Variants in SLC4A9 observed in about 807,000 individuals in gnomAD.
The protein encoded by SLC4A9 is solute carrier family 4 member 9.
In SLC4A9, 102 loss-of-function variants were observed where a neutral mutation model predicts 103.2. That is an observed-to-expected ratio of 0.99 (90% CI 0.84 to 1.17). The LOEUF (loss-of-function observed/expected upper bound fraction) is 1.17. SLC4A9 is among the 50% of genes most tolerant of loss of function. The pLI, the probability that SLC4A9 is intolerant of heterozygous loss-of-function variation, is 0.00. For missense variants in SLC4A9, 1,091 were observed against 1,193.7 expected, an observed-to-expected ratio of 0.91 and a Z score of 1.27; for synonymous variants, 453 against 483.6, an observed-to-expected ratio of 0.94 and a Z score of 0.83.
In SLC4A9 at chr5:140,367,522, A is replaced by G; in HGVS notation, c.2116A>G (p.Ile706Val). 6.2e-7 allele frequency: 1 copy of G among 1,604,474 alleles called. No homozygotes were observed. The highest frequency in any genetic ancestry group is 1.1e-5 in the South Asian group (1 of 89,290). ...GCCTGCCCTGCTGCTGTCTATCCTC[A>G]TCTTCATGGACCAACAGATCACAGC... is the stretch of plus-strand genomic sequence containing the variant. ...ALPALLLSILIFMDQQITAVI... is the reference protein window; with the variant it reads ...ALPALLLSILVFMDQQITAVI... The change falls in exon 15 of 22, where the codon ATC becomes GTC. Residue 706 changes from isoleucine (I) to valine (V), a missense_variant. Physicochemically the swap from Ile to Val is conservative, Grantham distance 29 (BLOSUM62 3). Transcript: ENST00000506757.
Position 140,371,474 on chromosome 5 carries a change from G to T in SLC4A9, c.2520G>T (p.Leu840Phe). 1 of 1,614,002 alleles carries T rather than the reference G, an allele frequency of 6.2e-7. No homozygotes were observed. Among genetic ancestry groups the T allele is most frequent in the Admixed American group, 1.7e-5 (1 of 60,008 alleles). The change falls in exon 19 of 22, where the codon TTG (leucine) becomes TTT (phenylalanine). Residue 840 changes from leucine to phenylalanine, a missense_variant. Coordinates refer to ENST00000506757, the MANE Select transcript of SLC4A9 (RefSeq NM_031467.3). ...SIQFTNRVKLLLMPAKHQPDL... is the reference protein window; with the variant it reads ...SIQFTNRVKLFLMPAKHQPDL... ...AGTTCACTAATAGGGTGAAGCTGTT[G>T]TTGATGCCAGCAAAACACCAGCCAG... is the stretch of plus-strand genomic sequence containing the variant.
At position 140,364,141 on chromosome 5, in the gene SLC4A9, A is replaced by G. The variant is rs776924668; in HGVS notation, c.1342A>G (p.Thr448Ala). Residue 448 changes from threonine to alanine, a missense_variant, in exon 10 of 22, where the codon ACG becomes GCG. Transcript: ENST00000506757. The stretch of plus-strand genomic sequence containing the variant: ...CCAGCCCCTCACCATTCTGAGCAGC[A>G]CGGGGCCAGTGCTGGTCTTTGAGCG... ...AGQPLTILSS[T>A]GPVLVFERLL... is the part of the protein sequence containing the mutation. 1.9e-6 allele frequency: 3 copies of G among 1,593,808 alleles called. No individual in the cohort carries two copies. The highest frequency in any genetic ancestry group is 2.6e-6 in the Non-Finnish European group (3 of 1,169,336).
rs1438859123 is a variant in SLC4A9, at chr5:140,362,963, G to T, written c.859G>T (p.Ala287Ser). Residue 287 changes from alanine (A) to serine (S), a missense_variant, in exon 7 of 22, where the codon GCC becomes TCC. Ala to Ser is a moderately conservative substitution (Grantham distance 99). Transcript: ENST00000506757. ...RASNLHDLLA[A>S]LDAFLEEVTV... ...CAGCAACCTTCATGACCTTCTGGCAGCCCTGGATGCATTCCTAGAGGAGGT... is the reference window on the plus strand; with the variant it reads ...CAGCAACCTTCATGACCTTCTGGCATCCCTGGATGCATTCCTAGAGGAGGT... The T allele has an allele frequency of 6.2e-7, 1 of 1,613,662 alleles. No homozygotes were observed. The highest frequency in any genetic ancestry group is 8.5e-7 in the Non-Finnish European group (1 of 1,179,776).
Position 140,371,555 on chromosome 5 carries a change from C to A in SLC4A9, c.2601C>A (p.Ile867=). ...PLTRVHLFTA[I]QLACLGLLWI... is the part of the protein sequence containing the mutation. Reference sequence around the variant, plus strand: ...CCAGGGTCCACCTCTTCACAGCCATCCAGCTTGCCTGTCTGGGGCTGCTTT... The same window carrying A: ...CCAGGGTCCACCTCTTCACAGCCATACAGCTTGCCTGTCTGGGGCTGCTTT... Residue 867 remains isoleucine (I), a synonymous_variant, in exon 19 of 22, where the codon ATC becomes ATA. Coordinates refer to ENST00000506757, the MANE Select transcript of SLC4A9 (RefSeq NM_031467.3). 1 of 1,614,054 alleles carries A rather than the reference C, an allele frequency of 6.2e-7. No homozygotes were observed. The highest frequency in any genetic ancestry group is 1.1e-5 in the South Asian group (1 of 91,090).
rs1473246504 is a variant in SLC4A9, at chr5:140,364,504, C to T, written c.1530C>T (p.Leu510=). Residue 510 remains leucine, a synonymous_variant, in exon 11 of 22, where the codon CTC becomes CTT. Coordinates refer to ENST00000506757, the MANE Select transcript of SLC4A9 (RefSeq NM_031467.3). Reference sequence around the variant, plus strand: ...TCACTGAGGAAGGTTTCTGTGCCCTCATCAGCCTCATCTTCATCTACGATG... The same window carrying T: ...TCACTGAGGAAGGTTTCTGTGCCCTTATCAGCCTCATCTTCATCTACGATG... ...TRFTEEGFCA[L]ISLIFIYDAV... is the part of the protein sequence containing the mutation. 2 of 1,611,502 alleles carry T rather than the reference C, an allele frequency of 1.2e-6. No homozygotes were observed. Among genetic ancestry groups the T allele is most frequent in the Middle Eastern group, 1.7e-4 (1 of 6,060 alleles).
At chr5:140,367,136 G>T (rs147527423) in intron 14 of SLC4A9, among the ~76,000 whole-genome samples, 369 of 152,346 alleles carry the variant, frequency 2.4e-3, no homozygotes, top group African/African-American at 8.7e-3. Flanking sequence ...ACATCAAGAA[G>T]TGTGTGTAGG....
At chr5:140,370,884 C>A in intron 17 of SLC4A9, 1 of 546,016 alleles carries the variant, frequency 1.8e-6, no homozygotes, top group Non-Finnish European at 3.3e-6. Context: ...TTCAATTTCC[C>A]AATCTGTAAA....
Position 140,372,338 on chromosome 5 carries a change from A to C in SLC4A9, c.2767A>C (p.Ser923Arg). The change falls in exon 20 of 22, where the codon AGC (serine) becomes CGC (arginine). Residue 923 changes from serine (S) to arginine (R), a missense_variant. By Grantham distance (110) the Ser-to-Arg change is moderately radical. Coordinates refer to ENST00000506757, the MANE Select transcript of SLC4A9 (RefSeq NM_031467.3). ...LDELMPEEER[S>R]IPEKGLEPEH... ...TGAGCTGATGCCAGAGGAGGAGAGA[A>C]GCATCCCTGAGAAGGGGCTGGAGCC... 6.2e-7 allele frequency: 1 copy of C among 1,609,724 alleles called. No homozygotes were observed. Among genetic ancestry groups the C allele is most frequent in the Non-Finnish European group, 8.5e-7 (1 of 1,178,846 alleles).
At chr5:140,361,051 C>A (rs748098354) in intron 2 of SLC4A9, 79 bp downstream of exon 2, 264 of 1,372,174 alleles carry the variant, frequency 1.9e-4, no homozygotes, top group Non-Finnish European at 2.5e-4. Flanking sequence ...GTCTTGAAAT[C>A]TTCCAGAGCC....
chr5:140,365,440 C>T lies in SLC4A9; in HGVS notation c.1652-80C>T, dbSNP rs534449247. The stretch of plus-strand genomic sequence containing the variant: ...ATTAAGAACTCTGGTTCACCTGGAC[C>T]CATCAGATAAGAATTTTATGGGGCT... On this transcript the variant is annotated intron_variant, in intron 11 of 21. Coordinates refer to ENST00000506757, the MANE Select transcript of SLC4A9 (RefSeq NM_031467.3). The T allele has an allele frequency of 2.6e-5, 32 of 1,241,522 alleles. No homozygotes were observed. The African/African-American group carries it at 4.6e-4, about 18-fold the overall frequency. 76.9% of individuals were successfully genotyped at this position (1,241,522 alleles called of 1,614,324 possible). A position where few individuals can be genotyped will look rare whatever the true frequency, so the allele number is the denominator to read the frequency against.
At position 140,363,302 on chromosome 5, in the gene SLC4A9, G is replaced by A. The variant is rs1221932368; in HGVS notation, c.963-137G>A. On this transcript the variant is annotated intron_variant, in intron 7 of 21. Transcript: ENST00000506757. This position sits in a 1 kb window ranked among gnomAD's most constrained non-coding sequence, Gnocchi z 4.5. ...GTCGCAATATGACCTGGACCTTCTA[G>A]AGGCCCAGGTGTCGCCATGGTTCCC... 2.1e-6 allele frequency: 2 copies of A among 931,560 alleles called. No homozygotes were observed. Among genetic ancestry groups the A allele is most frequent in the Non-Finnish European group, 3.2e-6 (2 of 620,108 alleles). 57.7% of individuals were successfully genotyped at this position (931,560 alleles called of 1,614,324 possible).
intron 10 of SLC4A9, 65 bp from the exon 11 acceptor site, chr5:140,364,297 TG>T: frequency 6.2e-7 from 1 of 1,602,006 alleles, no homozygotes; most frequent in Non-Finnish European, 8.5e-7. Context: ...GAGGGACACC[TG>T]ACCTGGGTTT....
At chr5:140,372,443 G>A in intron 20 of SLC4A9, 46 bp downstream of exon 20, 1 of 1,591,104 alleles carries the variant, frequency 6.3e-7, no homozygotes, top group Non-Finnish European at 8.5e-7. Context: ...TCAGGGTTTG[G>A]GAGAGCGTTC....
rs1343022734 is a variant in SLC4A9, at chr5:140,361,369, T to A, written c.505+2T>A. On this transcript the variant is annotated splice_donor_variant, in intron 3 of 21. Coordinates refer to ENST00000506757, the MANE Select transcript of SLC4A9 (RefSeq NM_031467.3). LOFTEE classifies it high-confidence loss of function. ...CCACAGGCACCAGGCCCTGCTGGGGTGAGAGCCCCTCCCTGGGCCCAGGAC... is the reference window on the plus strand; with the variant it reads ...CCACAGGCACCAGGCCCTGCTGGGGAGAGAGCCCCTCCCTGGGCCCAGGAC... The A allele has an allele frequency of 2.3e-5, 35 of 1,551,494 alleles. No homozygotes were observed. The highest frequency in any genetic ancestry group is 3.0e-5 in the Non-Finnish European group (34 of 1,146,658).
chr5:140,367,919 G>A, intron 16 of SLC4A9, 21 bp downstream of exon 16: 1 of 1,612,874 alleles, frequency 6.2e-7, no homozygotes, highest in Non-Finnish European at 8.5e-7. Context: ...TATTTAGGAA[G>A]TGGAGTAAGA....
chr5:140,367,984 A>C lies in SLC4A9; in HGVS notation c.2354+86A>C. 4 of 1,428,372 alleles carry C rather than the reference A, an allele frequency of 2.8e-6. No individual in the cohort carries two copies. The South Asian group carries it at 3.7e-5, about 13-fold the overall frequency. 88.5% of individuals were successfully genotyped at this position (1,428,372 alleles called of 1,614,324 possible). ...CATGGCAGAGTTACTTGGGCAGCTTAAATTCTAAGCTGGTGTCCCACAAGC... is the reference window on the plus strand; with the variant it reads ...CATGGCAGAGTTACTTGGGCAGCTTCAATTCTAAGCTGGTGTCCCACAAGC... On this transcript the variant is annotated intron_variant, in intron 16 of 21. Coordinates refer to ENST00000506757, the MANE Select transcript of SLC4A9 (RefSeq NM_031467.3).
At chr5:140,361,769 A>C in intron 3 of SLC4A9, 39 bp from the exon 4 acceptor site, 1 of 1,611,096 alleles carries the variant, frequency 6.2e-7, no homozygotes, top group South Asian at 1.1e-5. Context: ...CCACCCCCAA[A>C]GCCTGTGGTC....
intron 3 of SLC4A9, 29 bp downstream of exon 3, chr5:140,361,396 A>G (rs1469404545): frequency 6.6e-7 from 1 of 1,526,620 alleles, no homozygotes; most frequent in Non-Finnish European, 8.9e-7. Context: ...GCCCAGGACC[A>G]AGACCCTGGT....
chr5:140,369,658 A>G (rs1768408118), intron 17 of SLC4A9, among the ~76,000 whole-genome samples: 1 of 151,248 alleles, frequency 6.6e-6, no homozygotes, highest in Admixed American at 6.6e-5. Flanking sequence ...GGACCGGATC[A>G]GCCACTTACT....
Sources: allele counts gnomAD v4.1 joint callset (sites outside exome capture counted in the v4.1 genomes callset), GRCh38; gene constraint gnomAD v4.1.1; non-coding constraint Gnocchi (gnomAD v3.1); transcripts MANE v1.5; gene names NCBI Gene and HGNC (gene_info 2026-07-23, HGNC 2026-07-21).